Variants in GNA14 observed in about 807,000 individuals in gnomAD.
GNA14 encodes the protein G protein subunit alpha 14.
GNA14 carries 50 observed loss-of-function variants against 42.0 expected under a neutral mutation model. The ratio of observed to expected loss-of-function variants is 1.19; its 90% CI spans 0.95 to 1.51. The LOEUF is 1.51. GNA14 is among the 40% of genes most tolerant of loss of function. The pLI, the probability that GNA14 is intolerant of heterozygous loss-of-function variation, is 0.00. For missense variants in GNA14, 473 were observed against 446.2 expected (o/e 1.06, Z -0.54); for synonymous variants, 173 against 163.1 (o/e 1.06, Z -0.46).
intron 2 of GNA14, among the ~76,000 whole-genome samples, chr9:77,481,138 G>A (rs1414115322): frequency 6.6e-6 from 1 of 151,866 alleles, no homozygotes; most frequent in African/African-American, 2.4e-5. Flanking sequence ...TAATTGTGAT[G>A]TTAGGGTGTC....
chr9:77,525,739 C>T (rs1360593381), intron 2 of GNA14, among the ~76,000 whole-genome samples: 4 of 151,522 alleles, frequency 2.6e-5, no homozygotes, highest in Admixed American at 6.6e-5. Flanking sequence ...GGGGTTTCAC[C>T]GCGTTAGCCA....
At chr9:77,531,877 A>C (rs1837533955) in intron 1 of GNA14, among the ~76,000 whole-genome samples, 1 of 150,112 alleles carries the variant, frequency 6.7e-6, no homozygotes, top group South Asian at 2.1e-4. Flanking sequence ...AAGTGATTTT[A>C]AGGGTTCATA....
At chr9:77,501,578 T>G (rs578008176) in intron 2 of GNA14, among the ~76,000 whole-genome samples, 1 of 152,308 alleles carries the variant, frequency 6.6e-6, no homozygotes, top group African/African-American at 2.4e-5. Flanking sequence ...TTTTTGAAAT[T>G]TTAAAAATAT....
intron 2 of GNA14, among the ~76,000 whole-genome samples, chr9:77,493,365 T>C (rs960607588): frequency 2.0e-5 from 3 of 152,170 alleles, no homozygotes; most frequent in African/African-American, 4.8e-5. Flanking sequence ...AATGTGCTTT[T>C]ATGTATTTTA....
chr9:77,508,419 G>T (rs925925115), intron 2 of GNA14, among the ~76,000 whole-genome samples: 3 of 152,184 alleles, frequency 2.0e-5, no homozygotes, highest in African/African-American at 7.2e-5. Context: ...TGATGAGGTG[G>T]GGTGGACAAA....
At chr9:77,551,079 A>G (rs1229300686) in intron 1 of GNA14, among the ~76,000 whole-genome samples, 1 of 152,156 alleles carries the variant, frequency 6.6e-6, no homozygotes, top group Non-Finnish European at 1.5e-5. Flanking sequence ...GTTTTCCATC[A>G]TAGGTTGAAA....
chr9:77,527,902 T>C (rs1356392879), intron 2 of GNA14, among the ~76,000 whole-genome samples: 1 of 152,226 alleles, frequency 6.6e-6, no homozygotes, highest in Non-Finnish European at 1.5e-5. Flanking sequence ...CCCAAAGTGC[T>C]GGGATTACAG....
chr9:77,598,818 C>A (rs377208398), intron 1 of GNA14, among the ~76,000 whole-genome samples: 1 of 152,130 alleles, frequency 6.6e-6, no homozygotes, highest in African/African-American at 2.4e-5. Context: ...TTTAAAGAGT[C>A]GTCTTTAGGA....
At chr9:77,513,709 C>G (rs1837206190) in intron 2 of GNA14, among the ~76,000 whole-genome samples, 1 of 152,202 alleles carries the variant, frequency 6.6e-6, no homozygotes, top group East Asian at 1.9e-4. Context: ...TGGGTGAGGC[C>G]TGAGTCTTCC....
chr9:77,543,608 A>G (rs1419740077), intron 1 of GNA14, among the ~76,000 whole-genome samples: 1 of 152,224 alleles, frequency 6.6e-6, no homozygotes, highest in African/African-American at 2.4e-5. Context: ...TCTCGCTGGT[A>G]GAAATCCCTT....
chr9:77,535,936 G>A (rs1041726613), intron 1 of GNA14, among the ~76,000 whole-genome samples: 1 of 148,004 alleles, frequency 6.8e-6, no homozygotes. Context: ...ATTTCTGCAT[G>A]AATAAAATAC....
chr9:77,525,951 G>A (rs1837430263), intron 2 of GNA14, among the ~76,000 whole-genome samples: 1 of 150,450 alleles, frequency 6.6e-6, no homozygotes, highest in African/African-American at 2.4e-5. Context: ...CCCCTGGCTG[G>A]AGTGCAGAGG....
At chr9:77,643,450 G>A (rs1209571554) in intron 1 of GNA14, among the ~76,000 whole-genome samples, 1 of 152,064 alleles carries the variant, frequency 6.6e-6, no homozygotes, top group African/African-American at 2.4e-5. Context: ...TGTTTGTCAG[G>A]CTGGTCTTGA....
At chr9:77,602,433 C>T (rs905861835) in intron 1 of GNA14, among the ~76,000 whole-genome samples, 5 of 152,176 alleles carry the variant, frequency 3.3e-5, no homozygotes, top group African/African-American at 1.2e-4. Context: ...AAACAGAATC[C>T]TACAATTATT....
At position 77,643,831 on chromosome 9, in the gene GNA14, G is replaced by A. The variant is rs370094951; in HGVS notation, c.124+3839C>T. Among the ~76,000 whole-genome samples the A allele has an allele frequency of 1.2e-4, 19 of 152,224 alleles. No homozygotes were observed. In the South Asian group the frequency reaches 3.1e-3, roughly 25 times the overall value. The stretch of plus-strand genomic sequence containing the variant: ...CAACCCACAGTTGGTCAACTAAAAT[G>A]GAAAATGACACCTCTCTAGGGCCTG... On this transcript the variant is annotated intron_variant, in intron 1 of 6. Transcript: ENST00000341700.
chr9:77,554,454 A>T (rs1193677018), intron 1 of GNA14, among the ~76,000 whole-genome samples: 2 of 152,192 alleles, frequency 1.3e-5, no homozygotes, highest in Non-Finnish European at 2.9e-5. Context: ...AAGTTTTTTT[A>T]AAGTTTTAGT....
intron 1 of GNA14, among the ~76,000 whole-genome samples, chr9:77,612,193 A>C (rs944426666): frequency 6.6e-6 from 1 of 152,182 alleles, no homozygotes; most frequent in African/African-American, 2.4e-5. Context: ...TAGCAGCTGG[A>C]AAGTAGACAC....
At chr9:77,549,555 C>A (rs1002522200) in intron 1 of GNA14, among the ~76,000 whole-genome samples, 5 of 152,186 alleles carry the variant, frequency 3.3e-5, no homozygotes, top group African/African-American at 7.2e-5. Context: ...TGGTCTCCCC[C>A]ACAACTAGAT....
intron 1 of GNA14, among the ~76,000 whole-genome samples, chr9:77,629,491 CA>C (rs1307683494): frequency 6.6e-6 from 1 of 152,174 alleles, no homozygotes; most frequent in Non-Finnish European, 1.5e-5. Flanking sequence ...AAATGCCCAC[CA>C]ATGATAGACT....
Sources: allele counts gnomAD v4.1 joint callset (sites outside exome capture counted in the v4.1 genomes callset), GRCh38; gene constraint gnomAD v4.1.1; transcripts MANE v1.5; gene names NCBI Gene and HGNC (gene_info 2026-07-23, HGNC 2026-07-21).